The following ARHGAP10 variants were observed in gnomAD, a reference collection of about 807,000 sequenced individuals.
ARHGAP10 encodes Rho GTPase activating protein 10.
In ARHGAP10, 87 loss-of-function variants were observed where a neutral mutation model predicts 108.6. That is an observed-to-expected ratio of 0.80 (90% CI 0.67 to 0.96). ARHGAP10 has a LOEUF of 0.96. ARHGAP10 is among the 40% of genes least tolerant of loss of function. The pLI is 0.00. For synonymous variants in ARHGAP10, 347 were observed against 341.1 expected, an observed-to-expected ratio of 1.02 and a Z score of -0.19; for missense variants, 939 against 954.5, an observed-to-expected ratio of 0.98 and a Z score of 0.21.
chr4:147,795,019 G>A (rs1356183907), intron 1 of ARHGAP10, among the ~76,000 whole-genome samples: 1 of 152,186 alleles, frequency 6.6e-6, no homozygotes, highest in Non-Finnish European at 1.5e-5. Context: ...GTGGCAGCTA[G>A]TGAAATATTA....
At chr4:147,874,669 A>G (rs1277688071) in intron 7 of ARHGAP10, among the ~76,000 whole-genome samples, 1 of 152,252 alleles carries the variant, frequency 6.6e-6, no homozygotes, top group Admixed American at 6.5e-5. Context: ...TCAGGTAGCT[A>G]TATTAAAACC....
intron 18 of ARHGAP10, among the ~76,000 whole-genome samples, chr4:147,988,603 G>A (rs968549704): frequency 2.6e-5 from 4 of 152,172 alleles, no homozygotes; most frequent in African/African-American, 9.7e-5. Context: ...ACCAAAAAGT[G>A]TACACTTTCA....
At chr4:147,769,223 TGAA>T (rs1194666685) in intron 1 of ARHGAP10, among the ~76,000 whole-genome samples, 1 of 152,114 alleles carries the variant, frequency 6.6e-6, no homozygotes, top group Admixed American at 6.6e-5. Flanking sequence ...CAGTAAATGT[TGAA>T]GAAGAAGGAA....
chr4:147,762,499 C>CTTATTTATTTAT lies in ARHGAP10; in HGVS notation c.154+30055_154+30066dup, dbSNP rs113127539. 7.7e-3 allele frequency among the ~76,000 whole-genome samples: 1,139 copies of CTTATTTATTTAT among 148,040 alleles called. 8 individuals carry two copies. The highest frequency in any genetic ancestry group is 9.0e-3 in the South Asian group (42 of 4,658). On this transcript the variant is annotated intron_variant, in intron 1 of 22. Coordinates refer to ENST00000336498, the MANE Select transcript of ARHGAP10 (RefSeq NM_024605.4). ...TGAACTAGCAAAAAAAAGATAATTG[C>CTTATTTATTTAT]TTATTTATTTATTTATTTATTTTTA... is the stretch of plus-strand genomic sequence containing the variant.
chr4:147,971,894 T>C (rs1383415461), intron 18 of ARHGAP10, among the ~76,000 whole-genome samples: 1 of 151,018 alleles, frequency 6.6e-6, no homozygotes, highest in African/African-American at 2.4e-5. Flanking sequence ...GGCATGGGAG[T>C]GAGAATGGGG....
At chr4:147,902,266 T>G (rs1446935597) in intron 10 of ARHGAP10, among the ~76,000 whole-genome samples, 1 of 152,202 alleles carries the variant, frequency 6.6e-6, no homozygotes, top group Non-Finnish European at 1.5e-5. Flanking sequence ...CTTCAGTCCA[T>G]TCTCCACCCA....
intron 13 of ARHGAP10, among the ~76,000 whole-genome samples, chr4:147,931,827 G>A (rs750077861): frequency 2.6e-5 from 4 of 152,138 alleles, no homozygotes; most frequent in Non-Finnish European, 1.5e-5. Context: ...TTGACAAATG[G>A]GATCTTATTA....
intron 3 of ARHGAP10, among the ~76,000 whole-genome samples, chr4:147,845,106 G>A (rs1276561802): frequency 2.6e-5 from 4 of 152,144 alleles, no homozygotes; most frequent in African/African-American, 9.7e-5. Context: ...TTCATCCTTT[G>A]CCTCTGCTGA....
rs56781517 is a variant in ARHGAP10, at chr4:147,781,681, C to CTTT, written c.155-41032_155-41030dup. 1.7e-3 allele frequency among the ~76,000 whole-genome samples: 227 copies of CTTT among 130,564 alleles called. 2 individuals are homozygous for CTTT. Among genetic ancestry groups the CTTT allele is most frequent in the East Asian group, 9.0e-3 (41 of 4,568 alleles). 85.7% of individuals were successfully genotyped at this position (130,564 alleles called of 152,430 possible). ...TTCTTTCATTTTTTTCTTTTCTTTTCTTTTTTTTTTTTTTTTGAGACAGTC... is the reference window on the plus strand; with the variant it reads ...TTCTTTCATTTTTTTCTTTTCTTTTCTTTTTTTTTTTTTTTTTTTGAGACAGTC... On this transcript the variant is annotated intron_variant, in intron 1 of 22. Transcript: ENST00000336498.
intron 19 of ARHGAP10, among the ~76,000 whole-genome samples, chr4:148,043,766 GTATATATATGTA>G (rs1224867525): frequency 2.0e-4 from 29 of 141,632 alleles, no homozygotes; most frequent in East Asian, 4.0e-4. Flanking sequence ...ATATATATGT[GTATATATATGTA>G]TATATATATG....
At chr4:147,954,955 ATTGT>A (rs1368114613) in intron 15 of ARHGAP10, among the ~76,000 whole-genome samples, 1 of 152,046 alleles carries the variant, frequency 6.6e-6, no homozygotes, top group Non-Finnish European at 1.5e-5. Flanking sequence ...AAGTTTCAAA[ATTGT>A]TTGCTTACAT....
intron 1 of ARHGAP10, among the ~76,000 whole-genome samples, chr4:147,789,571 C>T (rs993296204): frequency 1.3e-5 from 2 of 152,146 alleles, no homozygotes; most frequent in Non-Finnish European, 2.9e-5. Flanking sequence ...CATGCCCGGC[C>T]CACATGTTTT....
intron 1 of ARHGAP10, among the ~76,000 whole-genome samples, chr4:147,815,925 A>C (rs1705830981): frequency 6.6e-6 from 1 of 152,162 alleles, no homozygotes; most frequent in African/African-American, 2.4e-5. Flanking sequence ...ACCTCCAAAA[A>C]CTGTTAGATA....
At chr4:147,831,790 CTA>C (rs1447465299) in intron 3 of ARHGAP10, among the ~76,000 whole-genome samples, 1 of 152,132 alleles carries the variant, frequency 6.6e-6, no homozygotes, top group Non-Finnish European at 1.5e-5. Context: ...ACTCAGAATC[CTA>C]TAGAGATCAC....
intron 18 of ARHGAP10, among the ~76,000 whole-genome samples, chr4:148,011,602 A>G (rs1741173676): frequency 6.6e-6 from 1 of 152,206 alleles, no homozygotes; most frequent in Non-Finnish European, 1.5e-5. Flanking sequence ...CTTTCACATC[A>G]GCTATTGATT....
At chr4:147,850,978 A>G (rs563347038) in intron 4 of ARHGAP10, among the ~76,000 whole-genome samples, 112 of 152,310 alleles carry the variant, frequency 7.4e-4, no homozygotes, top group African/African-American at 2.1e-3. Context: ...AAGAGTTAAC[A>G]TGGGATAAAT....
At position 147,999,148 on chromosome 4, in the gene ARHGAP10, C is replaced by T. The variant is rs376804796; in HGVS notation, c.1717-24115C>T. On this transcript the variant is annotated intron_variant, in intron 18 of 22. Transcript: ENST00000336498. ...AGGTGAGGGCATTGACCTGTAAACA[C>T]GGGGCTTGCAACTTAGCTCACACCT... Among the ~76,000 whole-genome samples the T allele has an allele frequency of 3.9e-5, 6 of 152,290 alleles. No homozygotes were observed. In the East Asian group the frequency reaches 1.2e-3, roughly 29 times the overall value.
At chr4:147,927,033 A>G (rs1737490822) in intron 13 of ARHGAP10, among the ~76,000 whole-genome samples, 1 of 152,346 alleles carries the variant, frequency 6.6e-6, no homozygotes, top group South Asian at 2.1e-4. Context: ...TCAGAGGTAG[A>G]GAGCAGTATA....
intron 1 of ARHGAP10, among the ~76,000 whole-genome samples, chr4:147,768,279 G>A (rs1438561245): frequency 6.6e-6 from 1 of 152,118 alleles, no homozygotes; most frequent in African/African-American, 2.4e-5. Flanking sequence ...TGAGTGTCAG[G>A]CTGAATGAAT....
Sources: gnomAD v4.1 joint callset for allele counts (sites outside exome capture counted in the v4.1 genomes callset) on GRCh38, gnomAD v4.1.1 for gene constraint, MANE v1.5 for transcripts, NCBI Gene and HGNC (gene_info 2026-07-23, HGNC 2026-07-21) for gene names.